COP1: variants seen among roughly 807,000 people sequenced by gnomAD.
COP1 encodes COP1 E3 ubiquitin ligase.
In COP1, 24 loss-of-function variants were observed where a neutral mutation model predicts 101.3. The ratio of observed to expected loss-of-function variants is 0.24; its 90% CI spans 0.17 to 0.33. The LOEUF (loss-of-function observed/expected upper bound fraction) is 0.33, where lower values mean the gene tolerates loss of function less well. Among genes scored for constraint, COP1 ranks in the 10% least tolerant of loss-of-function variants. The probability of loss-of-function intolerance (pLI) is 1.00; values close to 1 mark genes in which losing one functional copy is unlikely to be tolerated. For missense variants in COP1, 663 were observed against 906.2 expected (o/e 0.73, Z 3.45); for synonymous variants, 347 against 341.9 (o/e 1.01, Z -0.17).
intron 18 of COP1, among the ~76,000 whole-genome samples, chr1:175,963,600 G>C (rs1571269020): frequency 6.6e-6 from 1 of 152,122 alleles, no homozygotes; most frequent in East Asian, 1.9e-4. Flanking sequence ...AATTAAGATA[G>C]CACTTAGTAT....
chr1:176,095,063 T>G (rs1392177868), intron 9 of COP1, among the ~76,000 whole-genome samples: 1 of 152,202 alleles, frequency 6.6e-6, no homozygotes, highest in Non-Finnish European at 1.5e-5. Flanking sequence ...GACTGAAACC[T>G]GAAATTTTTC....
chr1:176,161,349 G>T (rs138374160), intron 5 of COP1, among the ~76,000 whole-genome samples: 556 of 152,324 alleles, frequency 3.7e-3, no homozygotes, highest in Middle Eastern at 0.01. Flanking sequence ...AGCACCCTGG[G>T]AGGCTGAGGT....
At chr1:175,947,328 C>A in intron 18 of COP1, 89 bp from the exon 19 acceptor site, 2 of 849,392 alleles carry the variant, frequency 2.4e-6, no homozygotes, top group Non-Finnish European at 4.0e-6. Context: ...CTTCTTTCTT[C>A]ACTTCAATTC....
intron 9 of COP1, among the ~76,000 whole-genome samples, chr1:176,094,122 G>T (rs73040940): frequency 0.053 from 8,074 of 151,980 alleles, 463 homozygotes; most frequent in Middle Eastern, 0.14. Flanking sequence ...TCAGGAACAG[G>T]GCATATAAAA....
intron 9 of COP1, among the ~76,000 whole-genome samples, chr1:176,110,830 T>C (rs1474489346): frequency 1.3e-5 from 2 of 152,196 alleles, no homozygotes; most frequent in Non-Finnish European, 2.9e-5. Flanking sequence ...CTTCTCTGTG[T>C]ATCAGTTTCC....
chr1:176,008,885 C>G (rs1295446302), intron 15 of COP1, among the ~76,000 whole-genome samples: 1 of 152,078 alleles, frequency 6.6e-6, no homozygotes, highest in Non-Finnish European at 1.5e-5. Context: ...GGAGTTGTTC[C>G]TGGGTCAGCA....
At chr1:176,188,828 CAT>C (rs1458388616) in intron 1 of COP1, among the ~76,000 whole-genome samples, 1 of 90,432 alleles carries the variant, frequency 1.1e-5, no homozygotes, top group African/African-American at 3.1e-5. Context: ...TGACAAAACA[CAT>C]AGATACACAC....
rs753195174 is a variant in COP1 at position 176,206,625 on chromosome 1, G to C, written c.354C>G (p.Pro118=). The C allele has an allele frequency of 1.4e-5, 23 of 1,612,110 alleles. No individual in the cohort carries two copies. Among genetic ancestry groups the C allele is most frequent in the African/African-American group, 1.3e-4 (10 of 74,954 alleles). The part of the protein sequence containing the change: ...SGSRKRPLLA[P]LCNGLINSYE... ...AGGAGTTGATGAGCCCGTTGCAGAG[G>C]GGGGCGAGGAGAGGTCGCTTCCTGC... Residue 118 remains proline, a synonymous_variant, in exon 1 of 20, where the codon CCC becomes CCG. Transcript: ENST00000367669.
At chr1:176,125,129 T>G (rs1411886921) in intron 8 of COP1, among the ~76,000 whole-genome samples, 1 of 152,124 alleles carries the variant, frequency 6.6e-6, no homozygotes, top group African/African-American at 2.4e-5. Flanking sequence ...TAGAATTTTC[T>G]AAGCTCCTCG....
At chr1:175,948,346 G>A (rs762781113) in intron 18 of COP1, among the ~76,000 whole-genome samples, 2 of 152,166 alleles carry the variant, frequency 1.3e-5, no homozygotes, top group Non-Finnish European at 2.9e-5. Context: ...CTAAGAGGTG[G>A]TAAACAGACT....
At chr1:176,047,705 CACAGA>C (rs1264571879) in intron 11 of COP1, among the ~76,000 whole-genome samples, 2 of 152,124 alleles carry the variant, frequency 1.3e-5, no homozygotes, top group African/African-American at 4.8e-5. Flanking sequence ...AATATCCATT[CACAGA>C]ACAGTTAATG....
intron 9 of COP1, among the ~76,000 whole-genome samples, chr1:176,108,129 C>T (rs1684645086): frequency 1.3e-5 from 2 of 151,680 alleles, no homozygotes; most frequent in East Asian, 1.9e-4. Flanking sequence ...TTCTGAGATA[C>T]ATCAATTTTT....
chr1:175,974,611 C>G lies in COP1; in HGVS notation c.2133+12332G>C, dbSNP rs145728926. On this transcript the variant is annotated intron_variant, in intron 18 of 19. Coordinates refer to ENST00000367669, the MANE Select transcript of COP1 (RefSeq NM_022457.7). ...GGAAAAGATATAAAACGTTTAAGATCGAATAGGTAATTTCAGTGAAGAGAT... is the reference window on the plus strand; with the variant it reads ...GGAAAAGATATAAAACGTTTAAGATGGAATAGGTAATTTCAGTGAAGAGAT... Among the ~76,000 whole-genome samples, 534 of 151,904 alleles carry G rather than the reference C, an allele frequency of 3.5e-3. 1 individual carries two copies. In the Middle Eastern group the frequency reaches 0.037, roughly 11 times the overall value.
intron 14 of COP1, among the ~76,000 whole-genome samples, chr1:176,037,089 A>C (rs1034456613): frequency 4.6e-5 from 7 of 152,146 alleles, no homozygotes; most frequent in Non-Finnish European, 7.4e-5. Context: ...TTCACTGACA[A>C]ATTCTACCAA....
rs532433593 is a variant in COP1, at chr1:176,037,131, A to G, written c.1612+6055T>C. 7.9e-5 allele frequency among the ~76,000 whole-genome samples: 12 copies of G among 152,340 alleles called. No homozygotes were observed. In the South Asian group the frequency reaches 2.5e-3, roughly 32 times the overall value. ...AAGAACAAAAGAATAGGCCAGGCGCAGTGGCTCAAGCCTGTAATCCCAGCA... is the reference window on the plus strand; with the variant it reads ...AAGAACAAAAGAATAGGCCAGGCGCGGTGGCTCAAGCCTGTAATCCCAGCA... On this transcript the variant is annotated intron_variant, in intron 14 of 19. Coordinates refer to ENST00000367669, the MANE Select transcript of COP1 (RefSeq NM_022457.7).
At chr1:176,159,524 C>T (rs986004716) in intron 5 of COP1, among the ~76,000 whole-genome samples, 13 of 152,072 alleles carry the variant, frequency 8.5e-5, no homozygotes, top group Admixed American at 2.6e-4. Flanking sequence ...GAAAGGTATA[C>T]TAAATGTAGT....
At chr1:175,949,227 T>A (rs552202580) in intron 18 of COP1, among the ~76,000 whole-genome samples, 53 of 127,042 alleles carry the variant, frequency 4.2e-4, no homozygotes, top group Non-Finnish European at 7.2e-4. Flanking sequence ...CTATTAGAAT[T>A]AACTTTGGAA....
chr1:176,092,676 A>G (rs1041593067), intron 9 of COP1, among the ~76,000 whole-genome samples: 5 of 152,232 alleles, frequency 3.3e-5, no homozygotes, highest in African/African-American at 1.2e-4. Flanking sequence ...CACTAAGGTG[A>G]CAATCATTTT....
intron 15 of COP1, among the ~76,000 whole-genome samples, chr1:176,007,935 C>A (rs1044863441): frequency 2.0e-5 from 3 of 152,192 alleles, no homozygotes; most frequent in African/African-American, 7.2e-5. Flanking sequence ...GGGCGCCCCT[C>A]CCCCAGCCTC....
Sources: gnomAD v4.1 joint callset for allele counts (sites outside exome capture counted in the v4.1 genomes callset) on GRCh38, gnomAD v4.1.1 for gene constraint, MANE v1.5 for transcripts, NCBI Gene and HGNC (gene_info 2026-07-23, HGNC 2026-07-21) for gene names.